NIBAN1: variants seen among roughly 807,000 people sequenced by gnomAD.
The protein encoded by NIBAN1 is protein Niban 1.
In NIBAN1, 81 loss-of-function variants were observed where a neutral mutation model predicts 75.1. The ratio of observed to expected loss-of-function variants is 1.08; its 90% confidence interval spans 0.90 to 1.30. The LOEUF (loss-of-function observed/expected upper bound fraction) is 1.30. NIBAN1 is among the 50% of genes most tolerant of loss of function. NIBAN1 has a pLI of 0.00. For synonymous variants in NIBAN1, 436 were observed against 424.8 expected, an observed-to-expected ratio of 1.03 and a Z score of -0.32; for missense variants, 1,133 against 1,128.1, an observed-to-expected ratio of 1.00 and a Z score of -0.06.
intron 1 of NIBAN1, 142 bp downstream of exon 1, chr1:184,974,160 C>T: frequency 2.3e-6 from 2 of 886,174 alleles, no homozygotes; most frequent in East Asian, 3.5e-5. Context: ...GGAAACCCGA[C>T]TCGCGCGGGC....
In NIBAN1 at chr1:184,809,499, T is replaced by G. The variant is rs188990198; in HGVS notation, c.1174-1264A>C. On this transcript the variant is annotated intron_variant, in intron 9 of 13. Coordinates refer to ENST00000367511, the MANE Select transcript of NIBAN1 (RefSeq NM_052966.4). ...AATGTAAAATTTAAATCCTTTTTTT[T>G]GAAATGCAATGGAAACATTTTTTAA... 3.9e-5 allele frequency among the ~76,000 whole-genome samples: 6 copies of G among 152,270 alleles called. No individual in the cohort carries two copies. In the East Asian group the frequency reaches 1.2e-3, roughly 29 times the overall value.
At chr1:184,859,868 A>T (rs999748901) in intron 5 of NIBAN1, among the ~76,000 whole-genome samples, 1 of 152,094 alleles carries the variant, frequency 6.6e-6, no homozygotes, top group Non-Finnish European at 1.5e-5. Flanking sequence ...CTCAGCAAGG[A>T]GCTGAGGTCT....
At chr1:184,965,567 C>T (rs948107613) in intron 1 of NIBAN1, among the ~76,000 whole-genome samples, 1 of 152,134 alleles carries the variant, frequency 6.6e-6, no homozygotes, top group Non-Finnish European at 1.5e-5. Flanking sequence ...CATTTATTCT[C>T]ACTGCTGAGT....
chr1:184,973,362 C>G (rs1557937166), intron 1 of NIBAN1, among the ~76,000 whole-genome samples: 1 of 152,046 alleles, frequency 6.6e-6, no homozygotes, highest in Non-Finnish European at 1.5e-5. Flanking sequence ...GGAAAGGATT[C>G]AAGGGCCAAA....
chr1:184,958,083 A>G (rs1468762732), intron 1 of NIBAN1, among the ~76,000 whole-genome samples: 1 of 152,102 alleles, frequency 6.6e-6, no homozygotes. Flanking sequence ...AAAGTAGCCA[A>G]AGGCCTGGCA....
intron 1 of NIBAN1, among the ~76,000 whole-genome samples, chr1:184,918,591 G>T (rs1287869756): frequency 6.6e-6 from 1 of 152,172 alleles, no homozygotes; most frequent in Non-Finnish European, 1.5e-5. Flanking sequence ...TATAGACCCA[G>T]ATAAATTCCT....
rs987710656 is a variant in NIBAN1, at chr1:184,907,977, C to A, written c.56-8668G>T. 2.6e-5 allele frequency among the ~76,000 whole-genome samples: 4 copies of A among 152,178 alleles called. No homozygotes were observed. In the East Asian group the frequency reaches 7.7e-4, roughly 29 times the overall value. ...AAAGAGAAACAAACAAACACTTATT[C>A]TCCCAAGAGCTTATATGAAATATAT... On this transcript the variant is annotated intron_variant, in intron 1 of 13. Coordinates refer to ENST00000367511, the MANE Select transcript of NIBAN1 (RefSeq NM_052966.4).
chr1:184,836,658 A>G (rs1219736769), intron 5 of NIBAN1, among the ~76,000 whole-genome samples: 6 of 152,214 alleles, frequency 3.9e-5, no homozygotes, highest in African/African-American at 1.4e-4. Context: ...ATCTTAATAC[A>G]GAAGAGAAGA....
At chr1:184,970,456 T>C (rs1353605644) in intron 1 of NIBAN1, among the ~76,000 whole-genome samples, 4 of 152,202 alleles carry the variant, frequency 2.6e-5, no homozygotes, top group Non-Finnish European at 5.9e-5. Flanking sequence ...ATCCTCCACC[T>C]TGCCCATGGA....
At chr1:184,915,426 C>A (rs1657358878) in intron 1 of NIBAN1, among the ~76,000 whole-genome samples, 1 of 152,176 alleles carries the variant, frequency 6.6e-6, no homozygotes, top group South Asian at 2.1e-4. Flanking sequence ...TTAGTTGCAC[C>A]AACATACGTG....
intron 4 of NIBAN1, among the ~76,000 whole-genome samples, chr1:184,886,407 C>A (rs1270455809): frequency 6.6e-6 from 1 of 152,186 alleles, no homozygotes; most frequent in Non-Finnish European, 1.5e-5. Context: ...GTATCCTTAG[C>A]CCACAGCACA....
chr1:184,809,129 A>C (rs1465218224), intron 9 of NIBAN1, among the ~76,000 whole-genome samples: 1 of 152,210 alleles, frequency 6.6e-6, no homozygotes, highest in African/African-American at 2.4e-5. Flanking sequence ...TCCGACTTTC[A>C]GCTCACGCAG....
Position 184,793,184 on chromosome 1 carries a change from A to G in NIBAN1, c.*1793T>C, listed in dbSNP as rs1241892334. ...AAATGGTTGAACTGTGTGTGAAGCA[A>G]ATGCTCTAAAGAACTGACATAAATT... On this transcript the variant is annotated 3_prime_UTR_variant, in exon 14 of 14. Coordinates refer to ENST00000367511, the MANE Select transcript of NIBAN1 (RefSeq NM_052966.4). 1 of 152,120 alleles carries G rather than the reference A, an allele frequency of 6.6e-6. No individual in the cohort carries two copies. Among genetic ancestry groups the G allele is most frequent in the African/African-American group, 2.4e-5 (1 of 41,412 alleles). 9.4% of individuals were successfully genotyped at this position (152,120 alleles called of 1,614,324 possible).
In NIBAN1 at chr1:184,881,311, A is replaced by G. The variant is rs574447283; in HGVS notation, c.601+3322T>C. Among the ~76,000 whole-genome samples, 22 of 152,276 alleles carry G rather than the reference A, an allele frequency of 1.4e-4. 2 individuals carry two copies. The South Asian group carries it at 4.6e-3, about 32-fold the overall frequency. On this transcript the variant is annotated intron_variant, in intron 5 of 13. Transcript: ENST00000367511. ...GGGTTAAATAGGAAACGCCCACCCT[A>G]TAAGGAAAAGCAGGACAAGGGGGTT...
intron 10 of NIBAN1, among the ~76,000 whole-genome samples, chr1:184,807,311 G>T (rs143555195): frequency 2.0e-4 from 27 of 133,302 alleles, no homozygotes; most frequent in African/African-American, 3.2e-4. Context: ...TGGGGAAAAG[G>T]TTCCTTATGA....
chr1:184,827,767 G>A (rs1654882494), intron 6 of NIBAN1, among the ~76,000 whole-genome samples: 1 of 151,748 alleles, frequency 6.6e-6, no homozygotes, highest in Non-Finnish European at 1.5e-5. Context: ...AAGGTGTGGG[G>A]TCCAGAGAGA....
chr1:184,799,209 C>G (rs975595226), intron 12 of NIBAN1, among the ~76,000 whole-genome samples: 8 of 151,130 alleles, frequency 5.3e-5, no homozygotes, highest in African/African-American at 1.7e-4. Context: ...CACCCCACAA[C>G]AGTCCCCAGA....
chr1:184,905,551 C>T (rs1657072950), intron 1 of NIBAN1, among the ~76,000 whole-genome samples: 1 of 152,148 alleles, frequency 6.6e-6, no homozygotes, highest in Admixed American at 6.6e-5. Flanking sequence ...CAACTTAAGC[C>T]TTCTTGCCCC....
chr1:184,968,520 T>G (rs1339372416), intron 1 of NIBAN1, among the ~76,000 whole-genome samples: 7 of 152,170 alleles, frequency 4.6e-5, no homozygotes, highest in Non-Finnish European at 8.8e-5. Flanking sequence ...GTTTCCTCCA[T>G]CCCCACTACT....
Sources: allele counts gnomAD v4.1 joint callset (sites outside exome capture counted in the v4.1 genomes callset), GRCh38; gene constraint gnomAD v4.1.1; transcripts MANE v1.5; gene names NCBI Gene and HGNC (gene_info 2026-07-23, HGNC 2026-07-21).